Variants in MCHR2 observed in about 807,000 individuals in gnomAD.
MCHR2 encodes melanin-concentrating hormone receptor 2.
Under a neutral mutation model 24.8 loss-of-function variants are expected in MCHR2, and 15 were observed. The observed-to-expected ratio is 0.60, with a 90% CI of 0.40 to 0.93. The LOEUF is 0.93. Among genes scored for constraint, MCHR2 ranks in the 40% least tolerant of loss-of-function variants. The pLI is 0.00. For missense variants in MCHR2, 386 were observed against 408.7 expected (o/e 0.94, Z 0.48); for synonymous variants, 151 against 147.6 (o/e 1.02, Z -0.17).
At chr6:99,981,219 A>G (rs1775663925) in intron 1 of MCHR2, among the ~76,000 whole-genome samples, 1 of 152,226 alleles carries the variant, frequency 6.6e-6, no homozygotes, top group Non-Finnish European at 1.5e-5. Flanking sequence ...ACATTAACAT[A>G]GCAATCCTAT....
At chr6:99,939,812 T>G (rs1312266784) in intron 4 of MCHR2, among the ~76,000 whole-genome samples, 1 of 150,988 alleles carries the variant, frequency 6.6e-6, no homozygotes, top group Admixed American at 6.6e-5. Context: ...TGGAAAACAC[T>G]TTAACTCTTC....
intron 2 of MCHR2, among the ~76,000 whole-genome samples, chr6:99,950,192 A>G (rs957093495): frequency 1.2e-4 from 18 of 152,170 alleles, no homozygotes; most frequent in Non-Finnish European, 2.5e-4. Context: ...GTTCTGAAGC[A>G]ACTGATAAAT....
chr6:99,931,380 G>A (rs1562118940), intron 5 of MCHR2, among the ~76,000 whole-genome samples: 1 of 152,158 alleles, frequency 6.6e-6, no homozygotes, highest in Non-Finnish European at 1.5e-5. Context: ...TGTCAGACAG[G>A]GACATTTAAG....
chr6:99,970,821 C>G (rs971599676), intron 1 of MCHR2, among the ~76,000 whole-genome samples: 28 of 152,302 alleles, frequency 1.8e-4, no homozygotes, highest in Admixed American at 1.8e-3. Flanking sequence ...AATAGGGATT[C>G]CTTTCCCCAT....
chr6:99,959,835 A>T lies in MCHR2; in HGVS notation c.-27-3661T>A, dbSNP rs1164382825. Among the ~76,000 whole-genome samples, 3 of 134,952 alleles carry T rather than the reference A, an allele frequency of 2.2e-5. No homozygotes were observed. In the Admixed American group the frequency reaches 2.3e-4, roughly 10 times the overall value. The allele number at this position is 134,952 out of a possible 152,430, so 88.5% of individuals were successfully genotyped here. On this transcript the variant is annotated intron_variant, in intron 1 of 5. Coordinates refer to ENST00000281806, the MANE Select transcript of MCHR2 (RefSeq NM_001040179.2). ...GTAAAAAGAAACAATAATAATAATG[A>T]TAATAATAATAATAATAATAGGTAA... is the stretch of plus-strand genomic sequence containing the variant.
At chr6:99,922,091 C>T (rs192697469) in intron 5 of MCHR2, among the ~76,000 whole-genome samples, 1 of 148,226 alleles carries the variant, frequency 6.7e-6, no homozygotes, top group Admixed American at 7.0e-5. Flanking sequence ...CAACTTGTTG[C>T]GATCCCATTT....
At chr6:99,969,584 A>C (rs924045217) in intron 1 of MCHR2, among the ~76,000 whole-genome samples, 1 of 150,674 alleles carries the variant, frequency 6.6e-6, no homozygotes, top group African/African-American at 2.4e-5. Context: ...TAATATTATT[A>C]TACTTTAAGT....
chr6:99,943,710 C>T (rs1012211347), intron 3 of MCHR2, among the ~76,000 whole-genome samples: 6 of 152,136 alleles, frequency 3.9e-5, no homozygotes, highest in African/African-American at 1.2e-4. Context: ...GAAAACAATT[C>T]TTGACCCTGC....
At chr6:99,948,872 G>A (rs1370066656) in intron 2 of MCHR2, among the ~76,000 whole-genome samples, 2 of 151,988 alleles carry the variant, frequency 1.3e-5, no homozygotes, top group African/African-American at 4.8e-5. Flanking sequence ...CTAACAAATA[G>A]CAAAGACTAT....
chr6:99,946,623 TTGG>T (rs1295500209), intron 3 of MCHR2, among the ~76,000 whole-genome samples: 1 of 152,140 alleles, frequency 6.6e-6, no homozygotes, highest in East Asian at 1.9e-4. Flanking sequence ...TTATGATATA[TTGG>T]TGGACCAAGA....
intron 1 of MCHR2, among the ~76,000 whole-genome samples, chr6:99,975,573 C>A (rs1377610340): frequency 6.6e-6 from 1 of 152,188 alleles, no homozygotes; most frequent in Non-Finnish European, 1.5e-5. Context: ...TGCGCTGCAC[C>A]CACTGTCCTG....
At chr6:99,950,358 A>G (rs545320406) in intron 2 of MCHR2, among the ~76,000 whole-genome samples, 173 of 152,288 alleles carry the variant, frequency 1.1e-3, no homozygotes, top group Middle Eastern at 6.8e-3. Flanking sequence ...GGTCTAATTT[A>G]TCTTTAGATT....
At chr6:99,973,249 G>A (rs1434885019) in intron 1 of MCHR2, among the ~76,000 whole-genome samples, 2 of 151,796 alleles carry the variant, frequency 1.3e-5, no homozygotes, top group African/African-American at 2.4e-5. Flanking sequence ...GGGTGCTCCT[G>A]TATTGGGTGC....
chr6:99,973,415 G>A (rs1775476181), intron 1 of MCHR2, among the ~76,000 whole-genome samples: 2 of 151,896 alleles, frequency 1.3e-5, no homozygotes, highest in African/African-American at 4.8e-5. Flanking sequence ...CCATTTGCTT[G>A]GTAGATCTTC....
At chr6:99,960,883 G>GA (rs1192135849) in intron 1 of MCHR2, among the ~76,000 whole-genome samples, 1 of 152,098 alleles carries the variant, frequency 6.6e-6, no homozygotes, top group Non-Finnish European at 1.5e-5. Flanking sequence ...AACCCTAGAA[G>GA]AAAACCTAGG....
chr6:99,985,697 T>C (rs1242228356), intron 1 of MCHR2, among the ~76,000 whole-genome samples: 4 of 152,130 alleles, frequency 2.6e-5, no homozygotes, highest in Non-Finnish European at 5.9e-5. Flanking sequence ...TAGACTTAAG[T>C]GTAAGACCTG....
At chr6:99,929,434 A>G (rs575172993) in intron 5 of MCHR2, among the ~76,000 whole-genome samples, 3 of 152,170 alleles carry the variant, frequency 2.0e-5, no homozygotes, top group Admixed American at 6.5e-5. Flanking sequence ...TGTTGACAGT[A>G]GGGTGTTAAA....
At chr6:99,931,694 C>T (rs765232002) in intron 5 of MCHR2, among the ~76,000 whole-genome samples, 35 of 152,124 alleles carry the variant, frequency 2.3e-4, no homozygotes, top group African/African-American at 6.8e-4. Context: ...GTCGGAAAAG[C>T]GCAGTATTAG....
intron 1 of MCHR2, among the ~76,000 whole-genome samples, chr6:99,981,170 T>G (rs535705690): frequency 6.6e-6 from 1 of 152,220 alleles, no homozygotes; most frequent in African/African-American, 2.4e-5. Flanking sequence ...GTTACTATTT[T>G]CACTTTAAAA....
Sources: allele counts gnomAD v4.1 joint callset (sites outside exome capture counted in the v4.1 genomes callset), GRCh38; gene constraint gnomAD v4.1.1; transcripts MANE v1.5; gene names NCBI Gene and HGNC (gene_info 2026-07-23, HGNC 2026-07-21).